Variants in CHN1 observed in about 807,000 individuals in gnomAD.
The protein encoded by CHN1 is N-chimaerin.
A neutral mutation model predicts 59.5 loss-of-function variants in CHN1; 37 were observed. The observed-to-expected ratio is 0.62, with a 90% CI of 0.48 to 0.82. The LOEUF is 0.82. Among genes scored for constraint, CHN1 ranks in the 40% least tolerant of loss-of-function variants. The probability of loss-of-function intolerance (pLI) is 0.00; values close to 1 mark genes in which losing one functional copy is unlikely to be tolerated. For synonymous variants in CHN1, 206 were observed against 200.4 expected, an observed-to-expected ratio of 1.03 and a Z score of -0.24; for missense variants, 469 against 571.0, an observed-to-expected ratio of 0.82 and a Z score of 1.82.
chr2:174,985,116 C>T (rs1691297103), intron 1 of CHN1, among the ~76,000 whole-genome samples: 1 of 152,088 alleles, frequency 6.6e-6, no homozygotes, highest in South Asian at 2.1e-4. Flanking sequence ...ATGCTATAGA[C>T]CTAAACCTAA....
rs146410246 is a variant in CHN1 at position 174,839,236 on chromosome 2, T to G, written c.627+7644A>C. 1.4e-3 allele frequency among the ~76,000 whole-genome samples: 206 copies of G among 152,276 alleles called. 1 individual carries two copies. Among genetic ancestry groups the G allele is most frequent in the African/African-American group, 4.5e-3 (186 of 41,556 alleles). On this transcript the variant is annotated intron_variant, in intron 7 of 12. Transcript: ENST00000409900. ...TTATTCTCAATGTATTCTTATACAT[T>G]GTTATTAACTGTAAGAGGTGACTTT...
At chr2:174,889,407 A>G (rs1687982816) in intron 5 of CHN1, among the ~76,000 whole-genome samples, 1 of 152,228 alleles carries the variant, frequency 6.6e-6, no homozygotes, top group Non-Finnish European at 1.5e-5. Context: ...TCTATGAAAT[A>G]TCTGAAAAAG....
At chr2:174,840,907 C>T (rs1016762568) in intron 7 of CHN1, among the ~76,000 whole-genome samples, 1 of 151,950 alleles carries the variant, frequency 6.6e-6, no homozygotes, top group Non-Finnish European at 1.5e-5. Context: ...TAGTAGAAAG[C>T]TTGAATGGAA....
chr2:174,954,050 A>T (rs1216232514), intron 1 of CHN1, among the ~76,000 whole-genome samples: 2 of 152,226 alleles, frequency 1.3e-5, no homozygotes, highest in African/African-American at 4.8e-5. Context: ...CTATACTATA[A>T]GGCCATAGTT....
At chr2:175,004,691 C>G (rs1692002397) in intron 1 of CHN1, among the ~76,000 whole-genome samples, 1 of 152,048 alleles carries the variant, frequency 6.6e-6, no homozygotes, top group Admixed American at 6.5e-5. Flanking sequence ...AGCACACGCC[C>G]ATCGGCCCTG....
intron 1 of CHN1, among the ~76,000 whole-genome samples, chr2:174,983,224 TTA>T (rs1467227887): frequency 1.3e-5 from 2 of 152,222 alleles, no homozygotes; most frequent in African/African-American, 2.4e-5. Context: ...TTAGTTCTTT[TTA>T]TGTTTTACTT....
chr2:174,876,203 C>T (rs1383821258), intron 6 of CHN1, among the ~76,000 whole-genome samples: 1 of 152,180 alleles, frequency 6.6e-6, no homozygotes, highest in Non-Finnish European at 1.5e-5. Context: ...CTGGTGAAGT[C>T]AAATGACTTG....
chr2:174,883,659 TAAAC>T (rs1687805084), intron 5 of CHN1, among the ~76,000 whole-genome samples: 1 of 151,950 alleles, frequency 6.6e-6, no homozygotes, highest in Non-Finnish European at 1.5e-5. Context: ...AAGACTATGA[TAAAC>T]AAACAGAATC....
chr2:174,842,040 T>C (rs1385394999), intron 7 of CHN1, among the ~76,000 whole-genome samples: 1 of 152,196 alleles, frequency 6.6e-6, no homozygotes, highest in Non-Finnish European at 1.5e-5. Flanking sequence ...ACAATACAGA[T>C]CTTAAGACCA....
At chr2:174,960,228 A>C (rs1690354682) in intron 1 of CHN1, among the ~76,000 whole-genome samples, 5 of 152,240 alleles carry the variant, frequency 3.3e-5, no homozygotes, top group Admixed American at 2.6e-4. Flanking sequence ...TAAACAATTA[A>C]TTAAGGATGT....
At chr2:175,002,592 A>T (rs1369944158) in intron 1 of CHN1, among the ~76,000 whole-genome samples, 4 of 152,252 alleles carry the variant, frequency 2.6e-5, no homozygotes, top group Admixed American at 2.6e-4. Flanking sequence ...CTGAATGGAA[A>T]GAAAATGTAA....
Position 174,917,573 on chromosome 2 carries a change from A to G in CHN1, c.146+961T>C, listed in dbSNP as rs961505407. Among the ~76,000 whole-genome samples the G allele has an allele frequency of 9.9e-5, 15 of 152,144 alleles. 1 individual carries two copies. The highest frequency in any genetic ancestry group is 5.2e-4 in the Admixed American group (8 of 15,280). ...AAAAATTTCTAACCCCCAAGACCGCACGTACTGAGATGTTTCATATGATAT... is the reference window on the plus strand; with the variant it reads ...AAAAATTTCTAACCCCCAAGACCGCGCGTACTGAGATGTTTCATATGATAT... On this transcript the variant is annotated intron_variant, in intron 4 of 12. Transcript: ENST00000409900.
At chr2:174,852,712 G>A (rs938559900) in intron 6 of CHN1, among the ~76,000 whole-genome samples, 1 of 152,144 alleles carries the variant, frequency 6.6e-6, no homozygotes, top group African/African-American at 2.4e-5. Flanking sequence ...AAGACAGCAA[G>A]GTACTGGTAC....
rs1690268829 is a variant in CHN1, at chr2:174,958,016, CAAG to C, written c.20-5817_20-5815del. ...CCACGTGGATCATCACACATAAATG[CAAG>C]AAGAAGCCAGCGACATAACTGTAAT... is the stretch of plus-strand genomic sequence containing the variant. On this transcript the variant is annotated intron_variant, in intron 1 of 12. Coordinates refer to ENST00000409900, the MANE Select transcript of CHN1 (RefSeq NM_001822.7). Among the ~76,000 whole-genome samples, 4 of 152,044 alleles carry C rather than the reference CAAG, an allele frequency of 2.6e-5. No homozygotes were observed. In the South Asian group the frequency reaches 8.3e-4, roughly 32 times the overall value.
Position 175,005,245 on chromosome 2 carries a change from G to A in CHN1, c.-333C>T. 1.7e-6 allele frequency: 2 copies of A among 1,181,620 alleles called. No homozygotes were observed. The highest frequency in any genetic ancestry group is 2.2e-5 in the South Asian group (1 of 45,328). 73.2% of individuals were successfully genotyped at this position (1,181,620 alleles called of 1,614,324 possible). ...GCTTGGCCGCGGCGCAGTGGCTGGC[G>A]GAGAGGCGGCGCCGCACTGGCGGCG... is the stretch of plus-strand genomic sequence containing the variant. On this transcript the variant is annotated 5_prime_UTR_variant, in exon 1 of 13. Coordinates refer to ENST00000409900, the MANE Select transcript of CHN1 (RefSeq NM_001822.7).
intron 1 of CHN1, among the ~76,000 whole-genome samples, chr2:174,992,732 C>T (rs369771385): frequency 6.6e-6 from 1 of 152,346 alleles, no homozygotes; most frequent in East Asian, 1.9e-4. Flanking sequence ...ACCAGGCCTG[C>T]ATAGCCCAGT....
intron 1 of CHN1, among the ~76,000 whole-genome samples, chr2:174,973,708 G>T (rs192544453): frequency 1.3e-5 from 2 of 152,156 alleles, no homozygotes; most frequent in Non-Finnish European, 2.9e-5. Flanking sequence ...GCAGGACAGC[G>T]GTGAGAAGTG....
chr2:174,945,326 T>G (rs540787865), intron 2 of CHN1: 50 of 208,400 alleles, frequency 2.4e-4, no homozygotes, highest in Non-Finnish European at 4.3e-4. Context: ...AGTGTCAACC[T>G]TGAAACTAAA....
chr2:175,004,779 G>T, intron 1 of CHN1, 115 bp downstream of exon 1: 1 of 428,820 alleles, frequency 2.3e-6, no homozygotes, highest in Non-Finnish European at 3.1e-6. Flanking sequence ...GCCCCGGCCC[G>T]CCCCGACCCC....
Sources: gnomAD v4.1 joint callset for allele counts (sites outside exome capture counted in the v4.1 genomes callset) on GRCh38, gnomAD v4.1.1 for gene constraint, MANE v1.5 for transcripts, NCBI Gene and HGNC (gene_info 2026-07-23, HGNC 2026-07-21) for gene names.